Variants in SYT9 observed in about 807,000 individuals in gnomAD.
SYT9 encodes synaptotagmin-9.
In SYT9, 22 loss-of-function variants were observed where a neutral mutation model predicts 48.4. The ratio of observed to expected loss-of-function variants is 0.45; its 90% confidence interval spans 0.32 to 0.65. The LOEUF (loss-of-function observed/expected upper bound fraction) is 0.65. Ranked by LOEUF, SYT9 falls within the 30% of genes least tolerant of loss-of-function variation. The pLI, the probability that SYT9 is intolerant of heterozygous loss-of-function variation, is 0.03. For missense variants in SYT9, 577 were observed against 622.0 expected (o/e 0.93, Z 0.77); for synonymous variants, 265 against 245.0 (o/e 1.08, Z -0.76).
intron 6 of SYT9, among the ~76,000 whole-genome samples, chr11:7,432,135 TGG>T (rs1263370135): frequency 6.6e-6 from 1 of 152,168 alleles, no homozygotes; most frequent in Admixed American, 6.5e-5. Context: ...AGAGCATCCC[TGG>T]GGGCCAACCC....
intron 3 of SYT9, among the ~76,000 whole-genome samples, chr11:7,402,202 A>ATTATAATG (rs1420043755): frequency 6.6e-6 from 1 of 151,974 alleles, no homozygotes; most frequent in Non-Finnish European, 1.5e-5. Flanking sequence ...AATATACTTC[A>ATTATAATG]TTATAATGTT....
intron 1 of SYT9, among the ~76,000 whole-genome samples, chr11:7,270,752 A>G (rs756811212): frequency 2.6e-5 from 4 of 152,024 alleles, no homozygotes; most frequent in Non-Finnish European, 4.4e-5. Context: ...TGATGAATTG[A>G]ATTAGTTAAA....
At chr11:7,393,788 C>T (rs986407331) in intron 3 of SYT9, among the ~76,000 whole-genome samples, 9 of 151,720 alleles carry the variant, frequency 5.9e-5, no homozygotes, top group African/African-American at 1.7e-4. Flanking sequence ...CTGATCTGTT[C>T]AGGTTTTCAA....
At chr11:7,412,440 G>T (rs763752384) in intron 3 of SYT9, among the ~76,000 whole-genome samples, 4 of 152,182 alleles carry the variant, frequency 2.6e-5, no homozygotes, top group Non-Finnish European at 4.4e-5. Context: ...GATCTCCTTG[G>T]CTATAAATAG....
chr11:7,336,493 A>G (rs906108741), intron 3 of SYT9, among the ~76,000 whole-genome samples: 13 of 152,276 alleles, frequency 8.5e-5, no homozygotes, highest in African/African-American at 3.1e-4. Flanking sequence ...TAAATCTTTA[A>G]TCCATCTTGA....
intron 6 of SYT9, among the ~76,000 whole-genome samples, chr11:7,459,041 T>C (rs1477022735): frequency 6.6e-6 from 1 of 152,202 alleles, no homozygotes; most frequent in Non-Finnish European, 1.5e-5. Flanking sequence ...AGGAACATGG[T>C]GAGAAATGGT....
intron 3 of SYT9, among the ~76,000 whole-genome samples, chr11:7,369,710 G>A (rs988430733): frequency 5.5e-5 from 8 of 144,528 alleles, no homozygotes; most frequent in Admixed American, 1.4e-4. Context: ...CCAGTTCTCC[G>A]GATAATGGGT....
chr11:7,284,310 G>A (rs1174566315), intron 1 of SYT9, among the ~76,000 whole-genome samples: 1 of 152,112 alleles, frequency 6.6e-6, no homozygotes, highest in Non-Finnish European at 1.5e-5. Context: ...ACTGCCACTT[G>A]AAGGTTAGGT....
chr11:7,289,602 G>A (rs985266102), intron 1 of SYT9, among the ~76,000 whole-genome samples: 8 of 152,306 alleles, frequency 5.3e-5, no homozygotes, highest in South Asian at 4.1e-4. Flanking sequence ...GCTATAGCTC[G>A]GTCCACTGCC....
intron 3 of SYT9, among the ~76,000 whole-genome samples, chr11:7,371,557 G>A (rs1850362655): frequency 6.6e-6 from 1 of 152,026 alleles, no homozygotes; most frequent in African/African-American, 2.4e-5. Context: ...TACATCTTAA[G>A]TGCTCAGTTT....
At chr11:7,313,018 A>G (rs1012046482) in intron 2 of SYT9, among the ~76,000 whole-genome samples, 3 of 152,246 alleles carry the variant, frequency 2.0e-5, no homozygotes, top group African/African-American at 7.2e-5. Context: ...TCAATTTCAG[A>G]ATTATATTAT....
rs1203340111 is a variant in SYT9 at position 7,466,872 on chromosome 11, T to C, written c.*72T>C. 1.3e-6 allele frequency: 2 copies of C among 1,575,206 alleles called. No homozygotes were observed. Among genetic ancestry groups the C allele is most frequent in the South Asian group, 1.2e-5 (1 of 86,876 alleles). On this transcript the variant is annotated 3_prime_UTR_variant, in exon 7 of 7. Coordinates refer to ENST00000318881, the MANE Select transcript of SYT9 (RefSeq NM_175733.4). ...ATCTCACAAAGATCTTAAGTAACTTTTTCCATCCAGCAACATCCAGACGAT... is the reference window on the plus strand; with the variant it reads ...ATCTCACAAAGATCTTAAGTAACTTCTTCCATCCAGCAACATCCAGACGAT...
At chr11:7,271,823 G>A (rs969722073) in intron 1 of SYT9, among the ~76,000 whole-genome samples, 15 of 152,088 alleles carry the variant, frequency 9.9e-5, no homozygotes, top group Admixed American at 5.9e-4. Context: ...TGATCTGCCC[G>A]CCTCGGCCTC....
rs373685181 is a variant in SYT9 at position 7,451,664 on chromosome 11, C to T, written c.1468-15128C>T. ...GTGAGTGTGTGACCCAATTTAGGCC[C>T]AGGAATTTTGTTGGAACTATCCGGA... On this transcript the variant is annotated intron_variant, in intron 6 of 6. Coordinates refer to ENST00000318881, the MANE Select transcript of SYT9 (RefSeq NM_175733.4). 9.9e-5 allele frequency among the ~76,000 whole-genome samples: 15 copies of T among 152,108 alleles called. 1 individual carries two copies. The highest frequency in any genetic ancestry group is 7.2e-4 in the Admixed American group (11 of 15,264).
intron 3 of SYT9, among the ~76,000 whole-genome samples, chr11:7,352,969 C>T (rs1327518427): frequency 1.3e-5 from 2 of 152,092 alleles, no homozygotes; most frequent in African/African-American, 4.8e-5. Context: ...GTTTATTACA[C>T]ACATAATGTT....
chr11:7,304,159 T>C (rs1204259515), intron 2 of SYT9, among the ~76,000 whole-genome samples: 2 of 152,188 alleles, frequency 1.3e-5, no homozygotes, highest in Admixed American at 6.6e-5. Context: ...AGTACTGATT[T>C]GTAGGTGGTT....
chr11:7,376,718 C>G (rs1416743510), intron 3 of SYT9, among the ~76,000 whole-genome samples: 1 of 152,008 alleles, frequency 6.6e-6, no homozygotes. Context: ...TCTGCTACAT[C>G]CCGGGAATTG....
At chr11:7,454,717 C>A (rs1366612958) in intron 6 of SYT9, among the ~76,000 whole-genome samples, 1 of 152,182 alleles carries the variant, frequency 6.6e-6, no homozygotes, top group Non-Finnish European at 1.5e-5. Flanking sequence ...TAACCTAAGG[C>A]CCCTGATACC....
intron 6 of SYT9, chr11:7,427,897 G>GT (rs2134114401): frequency 6.6e-6 from 1 of 152,308 alleles, no homozygotes; most frequent in South Asian, 2.1e-4. Flanking sequence ...GTCAATTGCT[G>GT]TAAGTGGCCA....
Sources: gnomAD v4.1 joint callset for allele counts (sites outside exome capture counted in the v4.1 genomes callset) on GRCh38, gnomAD v4.1.1 for gene constraint, MANE v1.5 for transcripts, NCBI Gene and HGNC (gene_info 2026-07-23, HGNC 2026-07-21) for gene names.